The following MCOLN2 variants were observed in gnomAD, a reference collection of about 807,000 sequenced individuals.
MCOLN2 encodes mucolipin-2.
In MCOLN2, 57 loss-of-function variants were observed where a neutral mutation model predicts 67.5. The ratio of observed to expected loss-of-function variants is 0.84; its 90% CI spans 0.68 to 1.05. MCOLN2 has a LOEUF of 1.05. Ranked by LOEUF, MCOLN2 falls within the 50% of genes least tolerant of loss-of-function variation. The pLI is 0.00. For synonymous variants in MCOLN2, 246 were observed against 233.3 expected (o/e 1.05, Z -0.50); for missense variants, 620 against 678.8 (o/e 0.91, Z 0.96).
In MCOLN2 at chr1:84,952,514, G is replaced by A. The variant is rs368665243; in HGVS notation, c.582C>T (p.Asp194=). Residue 194 remains aspartate (D), a synonymous_variant, in exon 5 of 14, where the codon GAC becomes GAT. Transcript: ENST00000370608. ...NDVELDCVQL[D]LQDLSKKPPD... ...GAGGCTTCTTGGAGAGGTCCTGAAG[G>A]TCTAATTGAACACAATCTAGGGCAA... 3.7e-6 allele frequency: 6 copies of A among 1,610,560 alleles called. No homozygotes were observed. The South Asian group carries it at 6.6e-5, about 18-fold the overall frequency.
At chr1:84,957,531 C>A (rs958012975) in intron 3 of MCOLN2, among the ~76,000 whole-genome samples, 11 of 152,128 alleles carry the variant, frequency 7.2e-5, no homozygotes, top group African/African-American at 2.7e-4. Flanking sequence ...TTCTTTGAAA[C>A]TGCCTTCCCA....
chr1:84,935,843 C>A (rs993962408), intron 11 of MCOLN2, among the ~76,000 whole-genome samples: 1 of 152,106 alleles, frequency 6.6e-6, no homozygotes, highest in Non-Finnish European at 1.5e-5. Flanking sequence ...CAAATAACCT[C>A]ATTTTCCATG....
In MCOLN2 at chr1:84,994,876, C is replaced by A. The variant is rs58205718; in HGVS notation, c.77+1920G>T. ...TGGTCTGTCTCAGCTTTCAACATAC[C>A]TTCCTCACTAAGCTTAATCACTCCT... is the stretch of plus-strand genomic sequence containing the variant. On this transcript the variant is annotated intron_variant, in intron 1 of 13. Coordinates refer to ENST00000370608, the MANE Select transcript of MCOLN2 (RefSeq NM_153259.4). Among the ~76,000 whole-genome samples, 255 of 152,232 alleles carry A rather than the reference C, an allele frequency of 1.7e-3. 6 individuals carry two copies. In the East Asian group the frequency reaches 0.045, roughly 27 times the overall value.
intron 4 of MCOLN2, among the ~76,000 whole-genome samples, chr1:84,953,098 T>C (rs1384076123): frequency 6.6e-6 from 1 of 152,230 alleles, no homozygotes; most frequent in Non-Finnish European, 1.5e-5. Context: ...ATTGTATCAA[T>C]GATAACTCAT....
chr1:84,926,536 C>G lies in MCOLN2; in HGVS notation c.*149G>C. 1 of 475,360 alleles carries G rather than the reference C, an allele frequency of 2.1e-6. No homozygotes were observed. The highest frequency in any genetic ancestry group is 3.8e-6 in the Non-Finnish European group (1 of 266,530). The allele number at this position is 475,360 out of a possible 1,614,324, so 29.4% of individuals were successfully genotyped here. A position where few individuals can be genotyped will look rare whatever the true frequency, so the allele number is the denominator to read the frequency against. ...TAAAAAGTAAAGCTGGAACTTCAGT[C>G]ATGGTCAGCTGGCTAACTGTGAGTC... On this transcript the variant is annotated 3_prime_UTR_variant, in exon 14 of 14. Transcript: ENST00000370608.
chr1:84,981,584 T>C (rs1001436407), intron 1 of MCOLN2, among the ~76,000 whole-genome samples: 1 of 152,202 alleles, frequency 6.6e-6, no homozygotes, highest in East Asian at 1.9e-4. Flanking sequence ...TTCTCACTTA[T>C]TTGTGTGATC....
chr1:84,941,508 C>G (rs555615136), intron 7 of MCOLN2, among the ~76,000 whole-genome samples: 10 of 151,974 alleles, frequency 6.6e-5, no homozygotes, highest in Non-Finnish European at 8.8e-5. Context: ...AAACAAAAAA[C>G]AAAAAACAAA....
intron 4 of MCOLN2, 34 bp downstream of exon 4, chr1:84,956,397 A>G: frequency 6.3e-7 from 1 of 1,596,736 alleles, no homozygotes; most frequent in Non-Finnish European, 8.5e-7. Flanking sequence ...CCAGAAGACG[A>G]TAAAGGTACA....
At chr1:84,948,189 C>G (rs562487795) in intron 6 of MCOLN2, among the ~76,000 whole-genome samples, 357 of 152,366 alleles carry the variant, frequency 2.3e-3, no homozygotes, top group Non-Finnish European at 3.9e-3. Flanking sequence ...AGTTGAAGAG[C>G]CTGCCACACA....
intron 1 of MCOLN2, among the ~76,000 whole-genome samples, chr1:84,984,865 C>T (rs186774153): frequency 4.4e-4 from 67 of 152,188 alleles, no homozygotes; most frequent in Non-Finnish European, 7.6e-4. Context: ...CATGCTGGCT[C>T]GTGCCTGTAG....
intron 13 of MCOLN2, 116 bp downstream of exon 13, chr1:84,929,442 G>T: frequency 8.3e-7 from 1 of 1,203,786 alleles, no homozygotes; most frequent in Non-Finnish European, 1.1e-6. Context: ...AAAGAAAGGT[G>T]AATTATTTCC....
intron 1 of MCOLN2, among the ~76,000 whole-genome samples, chr1:84,987,270 T>C (rs1242180841): frequency 8.4e-4 from 3 of 3,584 alleles, no homozygotes; most frequent in African/African-American, 9.0e-4. Context: ...TATAGATGTA[T>C]ATATATATCT....
At position 84,940,976 on chromosome 1, in the gene MCOLN2, T is replaced by C. The variant is rs193088841; in HGVS notation, c.863A>G (p.Gln288Arg). 6.2e-7 allele frequency: 1 copy of C among 1,611,706 alleles called. No homozygotes were observed. The highest frequency in any genetic ancestry group is 8.5e-7 in the Non-Finnish European group (1 of 1,178,344). Residue 288 changes from glutamine to arginine, a missense_variant, in exon 8 of 14, where the codon CAG becomes CGG. Gln to Arg is a conservative substitution (Grantham distance 43). Coordinates refer to ENST00000370608, the MANE Select transcript of MCOLN2 (RefSeq NM_153259.4). ...AAATGCATCAAACACCAGGACATAC[T>C]GAGCATTTTTCTGAGCTGAGGAATA... ...NIFGSTQKNA[Q>R]YVLVFDAFVI...
intron 13 of MCOLN2, among the ~76,000 whole-genome samples, chr1:84,928,018 A>G (rs1661240116): frequency 6.6e-6 from 1 of 152,002 alleles, no homozygotes; most frequent in African/African-American, 2.4e-5. Context: ...ATTTCCTTCC[A>G]TCACAGCCTA....
At chr1:84,987,084 A>G (rs1261854478) in intron 1 of MCOLN2, among the ~76,000 whole-genome samples, 3 of 152,040 alleles carry the variant, frequency 2.0e-5, no homozygotes, top group Non-Finnish European at 2.9e-5. Context: ...ACGCATGTTT[A>G]TAGCAGCACA....
intron 4 of MCOLN2, among the ~76,000 whole-genome samples, chr1:84,954,687 A>G (rs1228899273): frequency 6.6e-6 from 1 of 152,192 alleles, no homozygotes; most frequent in Non-Finnish European, 1.5e-5. Flanking sequence ...TTGACCTCTG[A>G]GCACATATTT....
In MCOLN2 at chr1:84,952,300, A is replaced by G; in HGVS notation, c.690T>C (p.Ile230=). Residue 230 remains isoleucine (I), a synonymous_variant, in exon 6 of 14, where the codon ATT becomes ATC. Coordinates refer to ENST00000370608, the MANE Select transcript of MCOLN2 (RefSeq NM_153259.4). ...CACGGGAATGAATTGTCTGTAGGTCAATGCCTTTAAGATGAAAGGAGATTT... is the reference window on the plus strand; with the variant it reads ...CACGGGAATGAATTGTCTGTAGGTCGATGCCTTTAAGATGAAAGGAGATTT... ...QVEISFHLKG[I]DLQTIHSREL... 6.2e-7 allele frequency: 1 copy of G among 1,613,794 alleles called. No homozygotes were observed. Among genetic ancestry groups the G allele is most frequent in the Non-Finnish European group, 8.5e-7 (1 of 1,179,784 alleles).
In MCOLN2 at chr1:84,933,641, A is replaced by G. The variant is rs555125464; in HGVS notation, c.1336-2073T>C. Among the ~76,000 whole-genome samples the G allele has an allele frequency of 3.3e-5, 5 of 152,360 alleles. No individual in the cohort carries two copies. The East Asian group carries it at 5.8e-4, about 18-fold the overall frequency. On this transcript the variant is annotated intron_variant, in intron 11 of 13. Transcript: ENST00000370608. ...AACTACAACTCTGACAGCACCATTAATAATTCACATTTCTTAGTTTCTTTT... is the reference window on the plus strand; with the variant it reads ...AACTACAACTCTGACAGCACCATTAGTAATTCACATTTCTTAGTTTCTTTT...
chr1:84,948,088 T>A (rs1012989437), intron 6 of MCOLN2, among the ~76,000 whole-genome samples: 2 of 152,164 alleles, frequency 1.3e-5, no homozygotes, highest in Non-Finnish European at 2.9e-5. Context: ...TAACTTCGCA[T>A]CTCTAAAGAG....
Sources: allele counts gnomAD v4.1 joint callset (sites outside exome capture counted in the v4.1 genomes callset), GRCh38; gene constraint gnomAD v4.1.1; transcripts MANE v1.5; gene names NCBI Gene and HGNC (gene_info 2026-07-23, HGNC 2026-07-21).